RANBP2: variants seen among roughly 807,000 people sequenced by gnomAD.
The protein encoded by RANBP2 is RAN binding protein 2.
Under a neutral mutation model 303.6 loss-of-function variants are expected in RANBP2, and 57 were observed. The ratio of observed to expected loss-of-function variants is 0.19; its 90% CI spans 0.15 to 0.23. RANBP2 has a LOEUF of 0.23. RANBP2 is among the 10% of genes least tolerant of loss of function. The probability of loss-of-function intolerance (pLI) is 1.00; values close to 1 mark genes in which losing one functional copy is unlikely to be tolerated. For synonymous variants in RANBP2, 1,167 were observed against 1,301.5 expected (o/e 0.90, Z 2.23); for missense variants, 3,138 against 3,780.8 (o/e 0.83, Z 4.46).
At chr2:109,760,525 G>C in the RANBP2 span, among the ~76,000 whole-genome samples, 4 of 140,456 alleles carry the variant, frequency 2.8e-5, no homozygotes, top group African/African-American at 1.0e-4. Flanking sequence ...TGAGTGCGCC[G>C]GCCGCTGCAG....
chr2:109,568,196 C>T, the RANBP2 span, among the ~76,000 whole-genome samples: 2 of 151,976 alleles, frequency 1.3e-5, no homozygotes, highest in South Asian at 4.2e-4. Flanking sequence ...CAGTTGCGTT[C>T]ACACTACAAC....
At chr2:109,289,816 T>C in the RANBP2 span, among the ~76,000 whole-genome samples, 1 of 152,060 alleles carries the variant, frequency 6.6e-6, no homozygotes, top group Admixed American at 6.6e-5. Context: ...ACTGGGGAAA[T>C]CGGGAAATCA....
the RANBP2 span, among the ~76,000 whole-genome samples, chr2:109,339,592 G>T: frequency 6.6e-6 from 1 of 152,200 alleles, no homozygotes; most frequent in African/African-American, 2.4e-5. Context: ...GGGTGCCTGG[G>T]TGGGGCTGCA....
the RANBP2 span, among the ~76,000 whole-genome samples, chr2:109,164,113 G>A: frequency 1.3e-5 from 2 of 152,036 alleles, no homozygotes; most frequent in Admixed American, 1.3e-4. Flanking sequence ...CTTCTCTTGT[G>A]TCTGTTAAAT....
chr2:109,455,267 A>G, the RANBP2 span, among the ~76,000 whole-genome samples: 1 of 152,056 alleles, frequency 6.6e-6, no homozygotes, highest in Non-Finnish European at 1.5e-5. Context: ...TTGGGGGGAG[A>G]AAGGGCCCTA....
At chr2:108,758,685 A>G (rs1676507382) in intron 18 of RANBP2, 137 bp downstream of exon 18, 3 of 1,486,852 alleles carry the variant, frequency 2.0e-6, no homozygotes, top group Admixed American at 2.0e-5. Flanking sequence ...ATGTGACTTC[A>G]AAAGCTGTAT....
the RANBP2 span, among the ~76,000 whole-genome samples, chr2:109,726,730 G>A: frequency 2.0e-5 from 3 of 152,304 alleles, no homozygotes; most frequent in Admixed American, 6.5e-5. Context: ...AGGGCTAAAT[G>A]TGCAAGTGCT....
At chr2:108,862,260 G>A in the RANBP2 span, among the ~76,000 whole-genome samples, 2 of 151,976 alleles carry the variant, frequency 1.3e-5, no homozygotes, top group African/African-American at 4.8e-5. Flanking sequence ...ATTTACAAAT[G>A]GGTTATCTTA....
the RANBP2 span, among the ~76,000 whole-genome samples, chr2:108,944,537 C>G: frequency 2.0e-5 from 3 of 152,156 alleles, no homozygotes; most frequent in Non-Finnish European, 4.4e-5. Context: ...GTGGGTGAAG[C>G]AGGCTCTCCT....
chr2:108,929,503 G>A, the RANBP2 span: 1 of 1,041,190 alleles, frequency 9.6e-7, no homozygotes, highest in Non-Finnish European at 1.5e-6. Context: ...CCGGGCCTTG[G>A]TTTCCTGAGT....
the RANBP2 span, among the ~76,000 whole-genome samples, chr2:109,131,023 A>G: frequency 1.2e-4 from 19 of 152,192 alleles, no homozygotes; most frequent in Non-Finnish European, 2.2e-4. Flanking sequence ...AAAAAAATAC[A>G]TTATCTATTG....
the RANBP2 span, among the ~76,000 whole-genome samples, chr2:109,004,336 G>A: frequency 1.3e-5 from 2 of 152,206 alleles, no homozygotes; most frequent in Admixed American, 1.3e-4. Context: ...GTTCCTCATA[G>A]TCCAGAGGTT....
At chr2:109,463,871 T>C in the RANBP2 span, among the ~76,000 whole-genome samples, 2 of 152,178 alleles carry the variant, frequency 1.3e-5, no homozygotes, top group Admixed American at 6.5e-5. Context: ...AGCTGGGCTT[T>C]GAGGACTCTG....
At chr2:109,674,212 T>C in the RANBP2 span, among the ~76,000 whole-genome samples, 1 of 151,804 alleles carries the variant, frequency 6.6e-6, no homozygotes. Flanking sequence ...CAATAAATGT[T>C]GAAGATAATT....
the RANBP2 span, among the ~76,000 whole-genome samples, chr2:109,639,206 T>C: frequency 5.9e-5 from 9 of 152,208 alleles, no homozygotes; most frequent in African/African-American, 2.2e-4. Flanking sequence ...TTAGGCCAAA[T>C]CTACACTAAG....
chr2:109,614,019 C>T, the RANBP2 span: 1 of 1,204,916 alleles, frequency 8.3e-7, no homozygotes, highest in Non-Finnish European at 1.0e-6. Flanking sequence ...GGGCGGACGC[C>T]CTGTGGTGCG....
chr2:109,604,300 G>A, the RANBP2 span, among the ~76,000 whole-genome samples: 2 of 139,774 alleles, frequency 1.4e-5, no homozygotes, highest in African/African-American at 2.6e-5. Flanking sequence ...TTGAGACTGC[G>A]CCACTGCACT....
chr2:109,221,256 T>A, the RANBP2 span, among the ~76,000 whole-genome samples: 2 of 152,168 alleles, frequency 1.3e-5, no homozygotes, highest in African/African-American at 4.8e-5. Context: ...CCATTCTAAC[T>A]GGGTGGAGGT....
chr2:109,223,702 C>T, the RANBP2 span, among the ~76,000 whole-genome samples: 6 of 152,308 alleles, frequency 3.9e-5, no homozygotes, highest in South Asian at 2.1e-4. Context: ...GCTGCCCCAA[C>T]GTGGAGATCC....
Sources: gnomAD v4.1 joint callset for allele counts (sites outside exome capture counted in the v4.1 genomes callset) on GRCh38, gnomAD v4.1.1 for gene constraint, MANE v1.5 for transcripts, NCBI Gene and HGNC (gene_info 2026-07-23, HGNC 2026-07-21) for gene names.